FAR2: variants seen among roughly 807,000 people sequenced by gnomAD.
The protein encoded by FAR2 is fatty acyl-CoA reductase 2.
In FAR2, 19 loss-of-function variants were observed where a neutral mutation model predicts 56.0. That is an observed-to-expected ratio of 0.34 (90% CI 0.24 to 0.50). The LOEUF (loss-of-function observed/expected upper bound fraction) is 0.50, where lower values mean the gene tolerates loss of function less well. Among genes scored for constraint, FAR2 ranks in the 20% least tolerant of loss-of-function variants. FAR2 has a pLI of 0.98. For synonymous variants in FAR2, 219 were observed against 218.8 expected (o/e 1.00, Z -0.01); for missense variants, 508 against 642.2 (o/e 0.79, Z 2.26).
At chr12:29,177,752 T>C (rs1435873783) in intron 1 of FAR2, among the ~76,000 whole-genome samples, 1 of 152,174 alleles carries the variant, frequency 6.6e-6, no homozygotes, top group East Asian at 1.9e-4. Flanking sequence ...TTTATCCCCA[T>C]TTCACAGATG....
rs753052700 is a variant in FAR2, at chr12:29,293,335, G to A, written c.225G>A (p.Val75=). ...FEKVKEVCPN[V]HEKIRAIYAD... ...AAGTCAAAGAAGTTTGTCCAAATGT[G>A]CATGAGAAGATCAGAGCTATTTATG... The change falls in exon 3 of 12, where the codon GTG becomes GTA. Residue 75 remains valine (V), a synonymous_variant. Coordinates refer to ENST00000536681, the MANE Select transcript of FAR2 (RefSeq NM_001271783.2). 162 of 1,601,376 alleles carry A rather than the reference G, an allele frequency of 1.0e-4. 1 individual carries two copies. In the South Asian group the frequency reaches 1.1e-3, roughly 11 times the overall value.
chr12:29,183,745 T>G (rs149632267), intron 1 of FAR2, among the ~76,000 whole-genome samples: 2 of 152,352 alleles, frequency 1.3e-5, no homozygotes, highest in African/African-American at 2.4e-5. Flanking sequence ...AGTAGGACTT[T>G]TCCATAAGAC....
intron 1 of FAR2, among the ~76,000 whole-genome samples, chr12:29,187,937 C>T (rs901034823): frequency 2.6e-5 from 4 of 152,140 alleles, no homozygotes; most frequent in African/African-American, 7.2e-5. Flanking sequence ...ACTACATTTA[C>T]GAAAACAGGC....
chr12:29,272,654 C>T (rs752877681), intron 2 of FAR2, among the ~76,000 whole-genome samples: 5 of 152,152 alleles, frequency 3.3e-5, no homozygotes, highest in East Asian at 1.9e-4. Flanking sequence ...TCTGATCCTC[C>T]GTCCAGTTCT....
rs1411017460 is a variant in FAR2, at chr12:29,335,354, A to G, written c.*1560A>G. 6.6e-6 allele frequency: 1 copy of G among 152,192 alleles called. No homozygotes were observed. The highest frequency in any genetic ancestry group is 1.5e-5 in the Non-Finnish European group (1 of 68,042). The allele number at this position is 152,192 out of a possible 1,614,324, so 9.4% of individuals were successfully genotyped here. A position where few individuals can be genotyped will look rare whatever the true frequency, so the allele number is the denominator to read the frequency against. The stretch of plus-strand genomic sequence containing the variant: ...AATTCTGGGAAATATTTTCCATAGC[A>G]GACAACCCAGCTCTGAAACTAAGCA... On this transcript the variant is annotated 3_prime_UTR_variant, in exon 12 of 12. Coordinates refer to ENST00000536681, the MANE Select transcript of FAR2 (RefSeq NM_001271783.2).
intron 1 of FAR2, among the ~76,000 whole-genome samples, chr12:29,198,517 G>A (rs1238309915): frequency 1.3e-5 from 2 of 152,122 alleles, no homozygotes; most frequent in East Asian, 1.9e-4. Context: ...GTGAGCCACC[G>A]CGCCTGGCCT....
intron 1 of FAR2, among the ~76,000 whole-genome samples, chr12:29,165,963 T>C (rs1227209657): frequency 6.6e-6 from 1 of 152,256 alleles, no homozygotes; most frequent in Non-Finnish European, 1.5e-5. Flanking sequence ...TCCTGTCCTA[T>C]AGCAGTTAGA....
intron 1 of FAR2, among the ~76,000 whole-genome samples, chr12:29,266,337 T>C (rs971445831): frequency 4.3e-4 from 65 of 152,224 alleles, no homozygotes; most frequent in African/African-American, 1.5e-3. Context: ...ATAAAAAGAA[T>C]GAGATCCTGT....
intron 1 of FAR2, among the ~76,000 whole-genome samples, chr12:29,269,402 C>T (rs757011158): frequency 6.6e-6 from 1 of 152,138 alleles, no homozygotes; most frequent in Non-Finnish European, 1.5e-5. Context: ...TTTCTGTTAT[C>T]CTGTTCTTTT....
rs538963063 is a variant in FAR2 at position 29,190,851 on chromosome 12, A to G, written c.-39+41444A>G. On this transcript the variant is annotated intron_variant, in intron 1 of 11. Transcript: ENST00000536681. The stretch of plus-strand genomic sequence containing the variant: ...TCCACTGACAATCAGAAGAATTTCA[A>G]TTTTTACATTAATTTTGTTTTGTTA... Among the ~76,000 whole-genome samples the G allele has an allele frequency of 1.2e-4, 19 of 152,276 alleles. No individual in the cohort carries two copies. In the South Asian group the frequency reaches 3.7e-3, roughly 30 times the overall value.
intron 4 of FAR2, among the ~76,000 whole-genome samples, chr12:29,302,932 G>C (rs1351771474): frequency 6.6e-6 from 1 of 152,090 alleles, no homozygotes; most frequent in Admixed American, 6.5e-5. Flanking sequence ...TTTGCATATG[G>C]GGTTGCACCT....
chr12:29,262,323 C>T (rs1009776254), intron 1 of FAR2, among the ~76,000 whole-genome samples: 6 of 151,868 alleles, frequency 4.0e-5, no homozygotes, highest in Non-Finnish European at 8.8e-5. Flanking sequence ...CAATGGATAC[C>T]TTAAAAATAA....
At chr12:29,209,692 C>CTCTCTG (rs1555109039) in intron 1 of FAR2, among the ~76,000 whole-genome samples, 33 of 149,082 alleles carry the variant, frequency 2.2e-4, no homozygotes, top group Non-Finnish European at 4.0e-4. Context: ...GATGTCTGCT[C>CTCTCTG]TGTGTGTGTG....
intron 1 of FAR2, among the ~76,000 whole-genome samples, chr12:29,152,079 T>C (rs1949685689): frequency 6.6e-6 from 1 of 152,210 alleles, no homozygotes; most frequent in African/African-American, 2.4e-5. Flanking sequence ...TCCTGAAATA[T>C]CATTATTTGG....
chr12:29,293,756 T>C (rs1436658811), intron 3 of FAR2, among the ~76,000 whole-genome samples: 2 of 152,208 alleles, frequency 1.3e-5, no homozygotes, highest in Admixed American at 6.5e-5. Flanking sequence ...TGCTCAATTA[T>C]ATTTTTTGAT....
At chr12:29,325,816 C>T (rs1277019407) in intron 10 of FAR2, among the ~76,000 whole-genome samples, 1 of 152,108 alleles carries the variant, frequency 6.6e-6, no homozygotes, top group Non-Finnish European at 1.5e-5. Flanking sequence ...CTAAAATTGA[C>T]ACCCTAACAT....
At chr12:29,285,529 GGAAGGAAGGAAGGGAGGAAGGGAA>G (rs1191037124) in intron 2 of FAR2, among the ~76,000 whole-genome samples, 1 of 151,738 alleles carries the variant, frequency 6.6e-6, no homozygotes, top group Non-Finnish European at 1.5e-5. Context: ...TTTACTTTAA[GGAAGGAAGGAAGGGAGGAAGGGAA>G]GAAGGAAGGG....
intron 1 of FAR2, among the ~76,000 whole-genome samples, chr12:29,160,843 A>C (rs1294838810): frequency 6.6e-6 from 1 of 152,024 alleles, no homozygotes; most frequent in Non-Finnish European, 1.5e-5. Flanking sequence ...CTCCAGTATG[A>C]CCTCATCTTA....
chr12:29,284,022 T>C (rs1948829409), intron 2 of FAR2, among the ~76,000 whole-genome samples: 1 of 152,224 alleles, frequency 6.6e-6, no homozygotes, highest in African/African-American at 2.4e-5. Flanking sequence ...CTTACCGATA[T>C]GTTTCTTTTT....
Sources: gnomAD v4.1 joint callset for allele counts (sites outside exome capture counted in the v4.1 genomes callset) on GRCh38, gnomAD v4.1.1 for gene constraint, MANE v1.5 for transcripts, NCBI Gene and HGNC (gene_info 2026-07-23, HGNC 2026-07-21) for gene names.